Variants in PCDH7 observed in about 807,000 individuals in gnomAD.
PCDH7 encodes the protein protocadherin-7.
Under a neutral mutation model 58.9 loss-of-function variants are expected in PCDH7, and 17 were observed. The ratio of observed to expected loss-of-function variants is 0.29; its 90% confidence interval spans 0.20 to 0.43. The LOEUF (loss-of-function observed/expected upper bound fraction) is 0.43, where lower values mean the gene tolerates loss of function less well. Among genes scored for constraint, PCDH7 ranks in the 20% least tolerant of loss-of-function variants. The probability of loss-of-function intolerance (pLI) is 1.00; values close to 1 mark genes in which losing one functional copy is unlikely to be tolerated. For synonymous variants in PCDH7, 664 were observed against 616.4 expected (o/e 1.08, Z -1.14); for missense variants, 1,274 against 1,441.0 (o/e 0.88, Z 1.88).
rs149842543 is a variant in PCDH7, at chr4:31,006,584, C to T, written c.*7+56369C>T. Among the ~76,000 whole-genome samples the T allele has an allele frequency of 2.6e-3, 397 of 152,204 alleles. 1 individual carries two copies. Among genetic ancestry groups the T allele is most frequent in the Non-Finnish European group, 3.9e-3 (266 of 67,996 alleles). On this transcript the variant is annotated intron_variant, in intron 3 of 3. Transcript: ENST00000509759. ...GCAGTCACGTATAATGTGAGTTTAACTCATGCTTCATAAGAAACAGGAACT... is the reference window on the plus strand; with the variant it reads ...GCAGTCACGTATAATGTGAGTTTAATTCATGCTTCATAAGAAACAGGAACT...
At chr4:30,975,951 G>A (rs1486878518) in intron 3 of PCDH7, among the ~76,000 whole-genome samples, 2 of 152,032 alleles carry the variant, frequency 1.3e-5, no homozygotes, top group African/African-American at 4.8e-5. Context: ...GCCTGCTCAG[G>A]TGAACATTTG....
At chr4:30,924,506 C>A (rs1010637269) in intron 2 of PCDH7, among the ~76,000 whole-genome samples, 11 of 152,124 alleles carry the variant, frequency 7.2e-5, no homozygotes, top group African/African-American at 2.7e-4. Flanking sequence ...TAGGGCCTTT[C>A]TCTGAACCCA....
At chr4:30,780,098 A>C (rs1277825842) in intron 1 of PCDH7, among the ~76,000 whole-genome samples, 1 of 152,242 alleles carries the variant, frequency 6.6e-6, no homozygotes, top group East Asian at 1.9e-4. Context: ...AAATGTAATT[A>C]GAACTCTAAA....
At position 30,960,334 on chromosome 4, in the gene PCDH7, AT is replaced by A. The variant is rs150011262; in HGVS notation, c.*7+10120del. On this transcript the variant is annotated intron_variant, in intron 3 of 3. Coordinates refer to the PCDH7 transcript ENST00000509759. The stretch of plus-strand genomic sequence containing the variant: ...CATGCTTTTGGGAATGAATTCGAAA[AT>A]GAGAATTGGCTGTGGCTAGGTCATG... 4.6e-3 allele frequency among the ~76,000 whole-genome samples: 699 copies of A among 152,272 alleles called. 4 individuals are homozygous for A. The highest frequency in any genetic ancestry group is 7.6e-3 in the Non-Finnish European group (520 of 68,016).
intron 3 of PCDH7, among the ~76,000 whole-genome samples, chr4:31,037,808 G>A (rs928396864): frequency 6.6e-6 from 1 of 152,176 alleles, no homozygotes; most frequent in South Asian, 2.1e-4. Flanking sequence ...TGTGGACTTT[G>A]CTTTAAATGC....
intron 1 of PCDH7, among the ~76,000 whole-genome samples, chr4:30,726,842 CAG>C (rs1714680172): frequency 6.6e-6 from 1 of 151,928 alleles, no homozygotes. Context: ...ATATTGCTGT[CAG>C]GGGACAAGGG....
intron 1 of PCDH7, among the ~76,000 whole-genome samples, chr4:30,763,216 C>T (rs1015587627): frequency 6.6e-6 from 1 of 151,976 alleles, no homozygotes; most frequent in African/African-American, 2.4e-5. Flanking sequence ...AGTGAAACTC[C>T]GTCTCAAAAA....
intron 1 of PCDH7, among the ~76,000 whole-genome samples, chr4:30,826,817 C>T (rs184835996): frequency 2.0e-5 from 3 of 152,170 alleles, no homozygotes; most frequent in East Asian, 1.9e-4. Context: ...CCTAGACAAC[C>T]GGGGATTAAG....
intron 1 of PCDH7, among the ~76,000 whole-genome samples, chr4:30,848,876 G>A (rs1409408808): frequency 1.3e-5 from 2 of 151,902 alleles, no homozygotes; most frequent in African/African-American, 4.8e-5. Context: ...CTGACGGTGG[G>A]GCTTTGGAAA....
At chr4:30,739,235 A>C (rs1483358380) in intron 1 of PCDH7, among the ~76,000 whole-genome samples, 1 of 147,818 alleles carries the variant, frequency 6.8e-6, no homozygotes, top group African/African-American at 2.5e-5. Flanking sequence ...TAAACTCATC[A>C]AAGTCCAGAA....
chr4:31,033,158 T>A (rs549226613), intron 3 of PCDH7, among the ~76,000 whole-genome samples: 14 of 152,264 alleles, frequency 9.2e-5, no homozygotes, highest in Non-Finnish European at 1.9e-4. Flanking sequence ...ATAAAAATAA[T>A]GTTAAAGCTT....
intron 1 of PCDH7, among the ~76,000 whole-genome samples, chr4:30,781,593 A>G (rs1196391756): frequency 6.7e-6 from 1 of 150,204 alleles, no homozygotes; most frequent in South Asian, 2.1e-4. Flanking sequence ...CTGGAGTGCA[A>G]TGGTGTGATC....
intron 1 of PCDH7, among the ~76,000 whole-genome samples, chr4:30,796,690 C>T (rs558765826): frequency 6.6e-6 from 1 of 152,142 alleles, no homozygotes; most frequent in Admixed American, 6.6e-5. Context: ...GCTTTTAATA[C>T]GTAAATTTTA....
intron 1 of PCDH7, among the ~76,000 whole-genome samples, chr4:30,781,317 T>G (rs1722747718): frequency 6.6e-6 from 1 of 151,876 alleles, no homozygotes; most frequent in African/African-American, 2.4e-5. Context: ...ATTTTTTGTA[T>G]TTTTAGCACA....
intron 3 of PCDH7, among the ~76,000 whole-genome samples, chr4:31,108,158 C>T (rs949747250): frequency 2.6e-5 from 4 of 151,742 alleles, no homozygotes; most frequent in African/African-American, 7.3e-5. Context: ...TAGACCAGAT[C>T]ATGTTTATGG....
intron 1 of PCDH7, among the ~76,000 whole-genome samples, chr4:30,826,915 A>C (rs1729158900): frequency 6.6e-6 from 1 of 151,810 alleles, no homozygotes; most frequent in Non-Finnish European, 1.5e-5. Context: ...TTTTGTAGAG[A>C]CGGGGTTTTG....
At chr4:31,094,195 T>G (rs1317576247) in intron 3 of PCDH7, among the ~76,000 whole-genome samples, 20 of 152,170 alleles carry the variant, frequency 1.3e-4, no homozygotes, top group Admixed American at 1.3e-3. Flanking sequence ...TCCACCCTCT[T>G]GAAATCTCTC....
intron 3 of PCDH7, among the ~76,000 whole-genome samples, chr4:30,958,589 G>A (rs73815116): frequency 0.015 from 2,340 of 151,632 alleles, 52 homozygotes; most frequent in African/African-American, 0.053. Context: ...AAATCTTCAC[G>A]TATTTTTGGC....
At chr4:31,127,197 G>A (rs191667124) in intron 3 of PCDH7, among the ~76,000 whole-genome samples, 1 of 152,254 alleles carries the variant, frequency 6.6e-6, no homozygotes, top group Non-Finnish European at 1.5e-5. Context: ...AATTGTTGCA[G>A]TACCGTAATT....
Sources: allele counts gnomAD v4.1 joint callset (sites outside exome capture counted in the v4.1 genomes callset), GRCh38; gene constraint gnomAD v4.1.1; transcripts MANE v1.5; gene names NCBI Gene and HGNC (gene_info 2026-07-23, HGNC 2026-07-21).